Variants in PPFIA2 observed in about 807,000 individuals in gnomAD.
PPFIA2 encodes the protein PPFI scaffold protein A2.
Under a neutral mutation model 175.5 loss-of-function variants are expected in PPFIA2, and 46 were observed. The observed-to-expected ratio is 0.26, with a 90% confidence interval of 0.21 to 0.34. PPFIA2 has a LOEUF of 0.34. Ranked by LOEUF, PPFIA2 falls within the 10% of genes least tolerant of loss-of-function variation. The pLI is 1.00. For synonymous variants in PPFIA2, 568 were observed against 511.4 expected (o/e 1.11, Z -1.49); for missense variants, 1,179 against 1,506.1 (o/e 0.78, Z 3.60).
intron 3 of PPFIA2, among the ~76,000 whole-genome samples, chr12:81,706,296 T>C (rs1377838689): frequency 6.6e-6 from 1 of 152,212 alleles, no homozygotes; most frequent in African/African-American, 2.4e-5. Flanking sequence ...GGGAAAGCAC[T>C]GAGCACTTTT....
chr12:81,548,972 A>C (rs1361404268), intron 4 of PPFIA2, among the ~76,000 whole-genome samples: 1 of 152,170 alleles, frequency 6.6e-6, no homozygotes, highest in African/African-American at 2.4e-5. Flanking sequence ...GTTATTTCAA[A>C]GCTTTCATTG....
chr12:81,396,953 G>A (rs1405183620), intron 8 of PPFIA2, among the ~76,000 whole-genome samples: 1 of 151,996 alleles, frequency 6.6e-6, no homozygotes, highest in Non-Finnish European at 1.5e-5. Context: ...GGATGTGAGA[G>A]TAATTCCAAA....
chr12:81,389,347 G>A (rs1005442807), intron 8 of PPFIA2, among the ~76,000 whole-genome samples: 1 of 151,602 alleles, frequency 6.6e-6, no homozygotes, highest in Non-Finnish European at 1.5e-5. Context: ...TTTTAAATGG[G>A]CTCAAGGTAA....
At chr12:81,676,877 C>A in intron 3 of PPFIA2, 33 bp from the exon 4 acceptor site, 1 of 1,494,656 alleles carries the variant, frequency 6.7e-7, no homozygotes, top group South Asian at 1.3e-5. Context: ...TTGTAAAGTG[C>A]TACTCAACAG....
chr12:81,475,079 T>A (rs550339043), intron 4 of PPFIA2, among the ~76,000 whole-genome samples: 56 of 152,342 alleles, frequency 3.7e-4, no homozygotes, highest in Admixed American at 1.8e-3. Context: ...TAATCTTGGA[T>A]AGTCAATCTT....
intron 3 of PPFIA2, among the ~76,000 whole-genome samples, chr12:81,748,597 C>T (rs997838317): frequency 6.9e-6 from 1 of 144,722 alleles, no homozygotes; most frequent in Non-Finnish European, 1.6e-5. Flanking sequence ...AATCAGACAA[C>T]AGCCAATTGA....
intron 4 of PPFIA2, among the ~76,000 whole-genome samples, chr12:81,643,559 T>G (rs2065652740): frequency 6.6e-6 from 1 of 151,848 alleles, no homozygotes; most frequent in Non-Finnish European, 1.5e-5. Context: ...TCAATCCTGG[T>G]GGGCAGGATT....
intron 4 of PPFIA2, among the ~76,000 whole-genome samples, chr12:81,537,881 A>G (rs1210688799): frequency 6.6e-6 from 1 of 151,846 alleles, no homozygotes; most frequent in Non-Finnish European, 1.5e-5. Flanking sequence ...CTTACTGAAT[A>G]TTCCCTAGAT....
chr12:81,469,557 G>C (rs1226981726), intron 4 of PPFIA2, among the ~76,000 whole-genome samples: 1 of 152,292 alleles, frequency 6.6e-6, no homozygotes, highest in South Asian at 2.1e-4. Flanking sequence ...CCAGATAAAG[G>C]GAGCATCATG....
chr12:81,674,674 T>C (rs974317595), intron 4 of PPFIA2, among the ~76,000 whole-genome samples: 1 of 151,368 alleles, frequency 6.6e-6, no homozygotes, highest in African/African-American at 2.4e-5. Context: ...CTCAAAAAAA[T>C]TTTTTTTTAA....
chr12:81,276,154 T>C (rs573749285), intron 28 of PPFIA2, among the ~76,000 whole-genome samples: 1 of 152,266 alleles, frequency 6.6e-6, no homozygotes, highest in African/African-American at 2.4e-5. Context: ...TTATCTTAAG[T>C]GAAACAATTC....
chr12:81,407,921 CTAA>C (rs1451285331), intron 7 of PPFIA2, among the ~76,000 whole-genome samples: 12 of 152,096 alleles, frequency 7.9e-5, no homozygotes, highest in African/African-American at 2.9e-4. Flanking sequence ...AGCACAAGTC[CTAA>C]TAATATCTCC....
intron 7 of PPFIA2, among the ~76,000 whole-genome samples, chr12:81,426,015 A>G (rs1827960908): frequency 6.6e-6 from 1 of 152,158 alleles, no homozygotes; most frequent in African/African-American, 2.4e-5. Context: ...ATACCCAATA[A>G]AAGTGTTATT....
At chr12:81,577,170 T>G (rs1595163167) in intron 4 of PPFIA2, among the ~76,000 whole-genome samples, 1 of 151,912 alleles carries the variant, frequency 6.6e-6, no homozygotes, top group East Asian at 1.9e-4. Flanking sequence ...ATATCTTGTC[T>G]TTCATAAAAT....
At chr12:81,386,147 A>G (rs1031284788) in intron 8 of PPFIA2, among the ~76,000 whole-genome samples, 2 of 151,250 alleles carry the variant, frequency 1.3e-5, no homozygotes, top group Admixed American at 6.6e-5. Flanking sequence ...GTGTGGTGGC[A>G]TGCACCTGTA....
At chr12:81,674,993 GAAATGTTCA>G (rs1200656338) in intron 4 of PPFIA2, among the ~76,000 whole-genome samples, 5 of 151,930 alleles carry the variant, frequency 3.3e-5, no homozygotes, top group African/African-American at 1.2e-4. Flanking sequence ...TATGCACTCT[GAAATGTTCA>G]TAATGTTTTC....
intron 4 of PPFIA2, among the ~76,000 whole-genome samples, chr12:81,521,421 G>A (rs981346847): frequency 6.6e-6 from 1 of 152,126 alleles, no homozygotes; most frequent in African/African-American, 2.4e-5. Context: ...CATCTGCAAT[G>A]TATCATCCAC....
chr12:81,611,128 C>A (rs2060860821), intron 4 of PPFIA2, among the ~76,000 whole-genome samples: 1 of 152,150 alleles, frequency 6.6e-6, no homozygotes, highest in African/African-American at 2.4e-5. Context: ...GGCTCGCTCA[C>A]CATGTCTGCT....
intron 16 of PPFIA2, among the ~76,000 whole-genome samples, chr12:81,353,959 AT>A (rs977084794): frequency 1.3e-5 from 2 of 152,230 alleles, no homozygotes; most frequent in African/African-American, 4.8e-5. Context: ...AGTTATGCCC[AT>A]TCTCTACTGA....
Sources: allele counts gnomAD v4.1 joint callset (sites outside exome capture counted in the v4.1 genomes callset), GRCh38; gene constraint gnomAD v4.1.1; transcripts MANE v1.5; gene names NCBI Gene and HGNC (gene_info 2026-07-23, HGNC 2026-07-21).